The following NTM variants were observed in gnomAD, a reference collection of about 807,000 sequenced individuals.
NTM encodes the protein neurotrimin.
NTM carries 13 observed loss-of-function variants against 42.1 expected under a neutral mutation model. The observed-to-expected ratio is 0.31, with a 90% CI of 0.20 to 0.49. The LOEUF is 0.49. Ranked by LOEUF, NTM falls within the 20% of genes least tolerant of loss-of-function variation. The pLI is 0.99. For synonymous variants in NTM, 187 were observed against 179.2 expected (o/e 1.04, Z -0.35); for missense variants, 373 against 452.8 (o/e 0.82, Z 1.60).
intron 1 of NTM, among the ~76,000 whole-genome samples, chr11:131,875,535 G>A (rs568101553): frequency 9.2e-5 from 14 of 152,188 alleles, no homozygotes; most frequent in Admixed American, 1.3e-4. Flanking sequence ...TATATTAGAC[G>A]AAGAATAGAA....
chr11:131,754,732 C>T (rs75052580), intron 1 of NTM, among the ~76,000 whole-genome samples: 39 of 152,192 alleles, frequency 2.6e-4, no homozygotes, highest in African/African-American at 9.2e-4. Context: ...GAGACTTGTA[C>T]ACAAATGTTC....
intron 1 of NTM, among the ~76,000 whole-genome samples, chr11:131,406,837 C>T (rs1168891911): frequency 6.6e-6 from 1 of 152,198 alleles, no homozygotes; most frequent in African/African-American, 2.4e-5. Flanking sequence ...TCTTTCCCTC[C>T]TCCCAGAGTG....
chr11:131,672,461 G>A (rs990677330), intron 1 of NTM, among the ~76,000 whole-genome samples: 2 of 152,278 alleles, frequency 1.3e-5, no homozygotes, highest in South Asian at 2.1e-4. Context: ...CGAGGAAACC[G>A]CATCAGACAC....
At chr11:132,061,847 C>T (rs575019281) in intron 2 of NTM, among the ~76,000 whole-genome samples, 1 of 152,074 alleles carries the variant, frequency 6.6e-6, no homozygotes, top group Non-Finnish European at 1.5e-5. Context: ...GCAGGAGCTC[C>T]ATTTTTTAAA....
At chr11:132,253,905 C>T (rs116324674) in intron 4 of NTM, among the ~76,000 whole-genome samples, 61 of 152,314 alleles carry the variant, frequency 4.0e-4, no homozygotes, top group African/African-American at 1.4e-3. Flanking sequence ...CTGAGGACCT[C>T]GTGCAGAGGA....
chr11:131,848,579 A>G (rs564988901), intron 1 of NTM, among the ~76,000 whole-genome samples: 1 of 152,362 alleles, frequency 6.6e-6, no homozygotes, highest in South Asian at 2.1e-4. Context: ...CTTCTTGAAG[A>G]GGTCCACTTC....
At chr11:131,899,321 C>A in intron 1 of NTM, among the ~76,000 whole-genome samples, 1 of 152,190 alleles carries the variant, frequency 6.6e-6, no homozygotes, top group Non-Finnish European at 1.5e-5. Flanking sequence ...GGGAACTGTT[C>A]TCCTCCTCAG....
At chr11:131,903,584 C>T (rs541917724) in intron 1 of NTM, among the ~76,000 whole-genome samples, 207 of 152,184 alleles carry the variant, frequency 1.4e-3, no homozygotes, top group African/African-American at 4.8e-3. Context: ...GTTACCTAGA[C>T]GAATGGGAAG....
At chr11:131,876,995 A>G (rs1405461369) in intron 1 of NTM, among the ~76,000 whole-genome samples, 1 of 151,980 alleles carries the variant, frequency 6.6e-6, no homozygotes, top group Non-Finnish European at 1.5e-5. Context: ...AGTAACTGGG[A>G]TTACAGGCAT....
intron 2 of NTM, among the ~76,000 whole-genome samples, chr11:132,136,037 GT>G (rs1376259021): frequency 6.6e-6 from 1 of 152,194 alleles, no homozygotes; most frequent in Non-Finnish European, 1.5e-5. Flanking sequence ...GTTTTAGTGA[GT>G]GTTGTCTTTC....
chr11:132,082,375 A>T (rs1020769401), intron 2 of NTM, among the ~76,000 whole-genome samples: 3 of 152,196 alleles, frequency 2.0e-5, no homozygotes, highest in African/African-American at 7.2e-5. Flanking sequence ...TGAGTTGAAG[A>T]GGCAAGGCTC....
At chr11:132,269,984 T>A (rs2093400832) in intron 4 of NTM, among the ~76,000 whole-genome samples, 1 of 152,296 alleles carries the variant, frequency 6.6e-6, no homozygotes, top group Admixed American at 6.5e-5. Flanking sequence ...ATATAAAACC[T>A]CTCCATCGAG....
In NTM at chr11:132,308,451, T is replaced by C. The variant is rs76254221; in HGVS notation, c.661+628T>C. Among the ~76,000 whole-genome samples the C allele has an allele frequency of 6.1e-3, 936 of 152,276 alleles. 13 individuals carry two copies. Among genetic ancestry groups the C allele is most frequent in the African/African-American group, 0.021 (880 of 41,544 alleles). On this transcript the variant is annotated intron_variant, in intron 5 of 8. Coordinates refer to ENST00000683400, the MANE Select transcript of NTM (RefSeq NM_001352005.2). ...TCTCCTTTCTCAGCCTTCCAGATTG[T>C]CTCTGACATCAATCCTACTTGAATT...
chr11:131,455,788 C>A (rs1427041387), intron 1 of NTM, among the ~76,000 whole-genome samples: 2 of 152,040 alleles, frequency 1.3e-5, no homozygotes, highest in Non-Finnish European at 2.9e-5. Flanking sequence ...AGCAAGGCAG[C>A]GGGCATACCT....
At chr11:132,280,602 C>A (rs1464172550) in intron 4 of NTM, among the ~76,000 whole-genome samples, 2 of 150,776 alleles carry the variant, frequency 1.3e-5, no homozygotes, top group African/African-American at 4.9e-5. Context: ...TCTCCTGTCT[C>A]AGCCTCCCAA....
intron 1 of NTM, among the ~76,000 whole-genome samples, chr11:131,575,795 G>A (rs1442682942): frequency 1.3e-5 from 2 of 152,078 alleles, no homozygotes; most frequent in Non-Finnish European, 1.5e-5. Flanking sequence ...CGCTTGGATG[G>A]CATTTACCTC....
intron 4 of NTM, among the ~76,000 whole-genome samples, chr11:132,264,653 A>C (rs1185659769): frequency 6.6e-6 from 1 of 152,248 alleles, no homozygotes; most frequent in Non-Finnish European, 1.5e-5. Context: ...AGATATAAAG[A>C]GATGAATGAA....
chr11:131,894,244 C>T (rs548569271), intron 1 of NTM, among the ~76,000 whole-genome samples: 1 of 152,336 alleles, frequency 6.6e-6, no homozygotes, highest in South Asian at 2.1e-4. Flanking sequence ...AGTTACTCTG[C>T]TGTCCCCACC....
chr11:132,054,951 A>G (rs995220227), intron 2 of NTM, among the ~76,000 whole-genome samples: 11 of 152,210 alleles, frequency 7.2e-5, no homozygotes, highest in Admixed American at 3.9e-4. Flanking sequence ...GGGAGGGGTC[A>G]AGGGAGGAAA....
Sources: gnomAD v4.1 joint callset for allele counts (sites outside exome capture counted in the v4.1 genomes callset) on GRCh38, gnomAD v4.1.1 for gene constraint, MANE v1.5 for transcripts, NCBI Gene and HGNC (gene_info 2026-07-23, HGNC 2026-07-21) for gene names.